Variants in PTPRN observed in about 807,000 individuals in gnomAD.
PTPRN encodes receptor-type tyrosine-protein phosphatase-like N.
PTPRN carries 70 observed loss-of-function variants against 108.5 expected under a neutral mutation model. That is an observed-to-expected ratio of 0.65 (90% CI 0.53 to 0.79). The LOEUF (loss-of-function observed/expected upper bound fraction) is 0.79, where lower values mean the gene tolerates loss of function less well. Among genes scored for constraint, PTPRN ranks in the 30% least tolerant of loss-of-function variants. The pLI is 0.00. For missense variants in PTPRN, 1,136 were observed against 1,295.5 expected (o/e 0.88, Z 1.89); for synonymous variants, 496 against 524.6 (o/e 0.95, Z 0.75).
In PTPRN at chr2:219,296,076, ATATT is replaced by A. The variant is rs1230698833; in HGVS notation, c.2508+146_2508+149del. The A allele has an allele frequency of 4.6e-6, 5 of 1,091,082 alleles. No individual in the cohort carries two copies. Among genetic ancestry groups the A allele is most frequent in the African/African-American group, 1.6e-5 (1 of 63,472 alleles). The allele number at this position is 1,091,082 out of a possible 1,614,324, so 67.6% of individuals were successfully genotyped here. ...TGGGTATGCATATATGTGTTTATATATATTCATATATGTATGAATCATGAGCAGG... is the reference window on the plus strand; with the variant it reads ...TGGGTATGCATATATGTGTTTATATACATATATGTATGAATCATGAGCAGG... On this transcript the variant is annotated intron_variant, in intron 18 of 22. Coordinates refer to ENST00000295718, the MANE Select transcript of PTPRN (RefSeq NM_002846.4). This position sits in a 1 kb window ranked among gnomAD's most constrained non-coding sequence, Gnocchi z 6.0.
chr2:219,307,591 T>C (rs762847037), intron 2 of PTPRN, 34 bp from the exon 3 acceptor site: 3 of 1,588,862 alleles, frequency 1.9e-6, no homozygotes, highest in South Asian at 2.2e-5. Flanking sequence ...GCAGGGGGCT[T>C]GAATAAGAGG....
chr2:219,290,528 G>T lies in PTPRN; in HGVS notation c.2868+10C>A. The T allele has an allele frequency of 6.4e-7, 1 of 1,550,854 alleles. No individual in the cohort carries two copies. Among genetic ancestry groups the T allele is most frequent in the Non-Finnish European group, 8.7e-7 (1 of 1,146,316 alleles). On this transcript the variant is annotated intron_variant, in intron 22 of 22. Transcript: ENST00000295718. This position sits in a 1 kb window ranked among gnomAD's most constrained non-coding sequence, Gnocchi z 4.2. ...TGGGAGCTGGGGTTGGGGCAGGAAGGCATGGTCACCTTAGAGCGGACAAGG... is the reference window on the plus strand; with the variant it reads ...TGGGAGCTGGGGTTGGGGCAGGAAGTCATGGTCACCTTAGAGCGGACAAGG...
intron 19 of PTPRN, among the ~76,000 whole-genome samples, chr2:219,293,776 T>G (rs1253194574): frequency 6.6e-6 from 1 of 152,190 alleles, no homozygotes; most frequent in Non-Finnish European, 1.5e-5. Context: ...CTCTGTCCAG[T>G]ACCTAGAGAC....
At chr2:219,299,199 T>G in intron 11 of PTPRN, 88 bp from the exon 12 acceptor site, 1 of 1,602,078 alleles carries the variant, frequency 6.2e-7, no homozygotes, top group Non-Finnish European at 8.6e-7. Context: ...GCAGGGCCCA[T>G]GTGGGCTGGG....
intron 20 of PTPRN, among the ~76,000 whole-genome samples, 186 bp downstream of exon 20, chr2:219,291,284 C>T (rs1432753525): frequency 6.6e-6 from 1 of 152,164 alleles, no homozygotes; most frequent in African/African-American, 2.4e-5. Context: ...ACATACTTTT[C>T]TTCTTTTTTC....
At chr2:219,304,094 C>G (rs1466759343) in intron 3 of PTPRN, 1 of 306,850 alleles carries the variant, frequency 3.3e-6, no homozygotes, top group Non-Finnish European at 6.0e-6. Context: ...CTCCAAGCCT[C>G]AATTCCCTCA....
chr2:219,299,005 A>T (rs775957869), intron 12 of PTPRN, 42 bp downstream of exon 12: 21 of 1,610,098 alleles, frequency 1.3e-5, no homozygotes, highest in Non-Finnish European at 1.8e-5. Context: ...GGACAACATC[A>T]GCCCTCTGGG....
rs752983751 is a variant in PTPRN at position 219,298,078 on chromosome 2, G to A, written c.1694C>T (p.Pro565Leu). 6.2e-7 allele frequency: 1 copy of A among 1,613,698 alleles called. No homozygotes were observed. Among genetic ancestry groups the A allele is most frequent in the Non-Finnish European group, 8.5e-7 (1 of 1,179,934 alleles). The change falls in exon 13 of 23, where the codon CCC (proline) becomes CTC (leucine). Residue 565 changes from proline (P) to leucine (L), a missense_variant. Pro to Leu is a moderately conservative substitution (Grantham distance 98). Transcript: ENST00000295718. The part of the protein sequence containing the change: ...GQREEAAAVL[P>L]QTAHSTSPMR... Reference sequence around the variant, plus strand: ...GGGTGAGGTGCTGTGCGCAGTTTGGGGAAGGACTGCAGCTGCCTCCTCCCT... The same window carrying A: ...GGGTGAGGTGCTGTGCGCAGTTTGGAGAAGGACTGCAGCTGCCTCCTCCCT...
intron 12 of PTPRN, among the ~76,000 whole-genome samples, chr2:219,298,785 C>T (rs13014450): frequency 0.077 from 11,708 of 152,322 alleles, 547 homozygotes; most frequent in Middle Eastern, 0.12. Flanking sequence ...TTGGAGACTG[C>T]GCTCCAGCAG....
rs371775910 is a variant in PTPRN, at chr2:219,301,551, G to A, written c.1126+37C>T. ...CAGGGCAAGAGGCCTCCATGGAGCCGGGAGATATTGGTCCCTCCCTCTGCC... is the reference window on the plus strand; with the variant it reads ...CAGGGCAAGAGGCCTCCATGGAGCCAGGAGATATTGGTCCCTCCCTCTGCC... On this transcript the variant is annotated intron_variant, in intron 7 of 22. Coordinates refer to ENST00000295718, the MANE Select transcript of PTPRN (RefSeq NM_002846.4). 6.6e-5 allele frequency: 105 copies of A among 1,585,418 alleles called. No individual in the cohort carries two copies. The African/African-American group carries it at 7.5e-4, about 11-fold the overall frequency.
Position 219,302,154 on chromosome 2 carries a change from G to A in PTPRN, c.977C>T (p.Ser326Phe). ...CTTGTTACCTGGCTGCACAGCTGGG[G>A]AAGCAGGCTTCTCTCCACGATCCCC... ...GLGDRGEKPA[S>F]PAVQPDAALQ... The change falls in exon 6 of 23, where the codon TCC becomes TTC. Residue 326 changes from serine (S) to phenylalanine (F), a missense_variant. By Grantham distance (155) the Ser-to-Phe change is radical (BLOSUM62 -2). Transcript: ENST00000295718. 1 of 1,589,134 alleles carries A rather than the reference G, an allele frequency of 6.3e-7. No homozygotes were observed.
In PTPRN at chr2:219,290,274, T is replaced by C; in HGVS notation, c.2892A>G (p.Thr964=). Residue 964 remains threonine (T), a synonymous_variant, in exon 23 of 23, where the codon ACA becomes ACG. Transcript: ENST00000295718. This position sits in a 1 kb window ranked among gnomAD's most constrained non-coding sequence, Gnocchi z 4.2. Reference sequence around the variant, plus strand: ...TGGCATTCACTTCCTCCGCCACGGCTGTCAGGGCAAATTCAAACTGGTCCT... The same window carrying C: ...TGGCATTCACTTCCTCCGCCACGGCCGTCAGGGCAAATTCAAACTGGTCCT... ...RSKDQFEFAL[T]AVAEEVNAIL... 4 of 1,613,736 alleles carry C rather than the reference T, an allele frequency of 2.5e-6. No individual in the cohort carries two copies. The highest frequency in any genetic ancestry group is 3.4e-6 in the Non-Finnish European group (4 of 1,179,840).
Position 219,309,348 on chromosome 2 carries a change from GC to G in PTPRN, c.-17del. ...GGCGCCGCATCTTTCCGAGCTCCGG[GC>G]GCTCGCTCCCGGGCCGGAGCCGCAG... On this transcript the variant is annotated 5_prime_UTR_variant, in exon 1 of 23. Transcript: ENST00000295718. 1 of 1,360,912 alleles carries G rather than the reference GC, an allele frequency of 7.3e-7. No homozygotes were observed. The highest frequency in any genetic ancestry group is 9.7e-7 in the Non-Finnish European group (1 of 1,029,034). 84.3% of individuals were successfully genotyped at this position (1,360,912 alleles called of 1,614,324 possible).
At chr2:219,294,899 C>T in intron 19 of PTPRN, 76 bp downstream of exon 19, 1 of 1,355,836 alleles carries the variant, frequency 7.4e-7, no homozygotes, top group Non-Finnish European at 9.6e-7. Flanking sequence ...ACCCGGGGCT[C>T]CAGGCCGAGC....
Position 219,302,726 on chromosome 2 carries a change from G to T in PTPRN, c.489C>A (p.Gly163=). 6.2e-7 allele frequency: 1 copy of T among 1,613,470 alleles called. No homozygotes were observed. The highest frequency in any genetic ancestry group is 8.5e-7 in the Non-Finnish European group (1 of 1,179,868). The change falls in exon 5 of 23, where the codon GGC becomes GGA. Residue 163 remains glycine, a synonymous_variant. Coordinates refer to ENST00000295718, the MANE Select transcript of PTPRN (RefSeq NM_002846.4). ...AQHRLPQPPV[G]KGGAGASSSL... is the part of the protein sequence containing the mutation. ...AGGAGCTGGCCCCAGCTCCACCTTT[G>T]CCCACTGGTGGTTGTGGAAGCCGAT...
intron 19 of PTPRN, chr2:219,291,805 G>C (rs148271890): frequency 2.1e-5 from 11 of 525,408 alleles, no homozygotes; most frequent in Non-Finnish European, 3.4e-5. Context: ...CTGTAAAATG[G>C]AGGATAGTAA....
Position 219,290,026 on chromosome 2 carries a change from T to TGGGTTCTGGGATGCCCC in PTPRN, c.*199_*200insGGGGCATCCCAGAACCC, listed in dbSNP as rs1339850874. 6.7e-6 allele frequency: 4 copies of TGGGTTCTGGGATGCCCC among 600,476 alleles called. No homozygotes were observed. Among genetic ancestry groups the TGGGTTCTGGGATGCCCC allele is most frequent in the Non-Finnish European group, 1.2e-5 (4 of 331,478 alleles). The allele number at this position is 600,476 out of a possible 1,614,324, so 37.2% of individuals were successfully genotyped here. A position where few individuals can be genotyped will look rare whatever the true frequency, so the allele number is the denominator to read the frequency against. On this transcript the variant is annotated 3_prime_UTR_variant, in exon 23 of 23. Coordinates refer to ENST00000295718, the MANE Select transcript of PTPRN (RefSeq NM_002846.4). The surrounding 1 kb of genome is among the most constrained non-coding windows in gnomAD (Gnocchi z 4.2). ...GCTGCAGCACCCCCATGGGATGCCC[T>TGGGTTCTGGGATGCCCC]GGGCTCTGGGATGCCCCAGGCTCTG...
intron 12 of PTPRN, among the ~76,000 whole-genome samples, chr2:219,298,463 G>A (rs901349427): frequency 6.6e-6 from 1 of 152,188 alleles, no homozygotes; most frequent in African/African-American, 2.4e-5. Flanking sequence ...CAGCACTTTG[G>A]GGGGCCAAAG....
chr2:219,299,848 A>G, intron 9 of PTPRN, 62 bp from the exon 10 acceptor site: 2 of 1,556,082 alleles, frequency 1.3e-6, no homozygotes, highest in Non-Finnish European at 1.8e-6. Flanking sequence ...CTTTCTTAAA[A>G]CAGGCCACTC....
Sources: gnomAD v4.1 joint callset for allele counts (sites outside exome capture counted in the v4.1 genomes callset) on GRCh38, gnomAD v4.1.1 for gene constraint, Gnocchi (gnomAD v3.1) non-coding constraint, MANE v1.5 for transcripts, NCBI Gene and HGNC (gene_info 2026-07-23, HGNC 2026-07-21) for gene names.